Variants in CCSER1 observed in about 807,000 individuals in gnomAD.
The protein encoded by CCSER1 is coiled-coil serine rich protein 1, also known as serine-rich coiled-coil domain-containing protein 1.
Under a neutral mutation model 82.0 loss-of-function variants are expected in CCSER1, and 41 were observed. That is an observed-to-expected ratio of 0.50 (90% CI 0.39 to 0.65). The LOEUF (loss-of-function observed/expected upper bound fraction) is 0.65. Among genes scored for constraint, CCSER1 ranks in the 30% least tolerant of loss-of-function variants. The pLI is 0.00. For missense variants in CCSER1, 1,119 were observed against 1,064.2 expected, an observed-to-expected ratio of 1.05 and a Z score of -0.72; for synonymous variants, 414 against 383.9, an observed-to-expected ratio of 1.08 and a Z score of -0.92.
chr4:91,311,722 T>A (rs1455955913), intron 10 of CCSER1, among the ~76,000 whole-genome samples: 1 of 151,974 alleles, frequency 6.6e-6, no homozygotes, highest in African/African-American at 2.4e-5. Context: ...CAGTGCCACA[T>A]GCTCATGTGA....
At chr4:90,434,282 G>A (rs1471113953) in intron 4 of CCSER1, among the ~76,000 whole-genome samples, 1 of 151,980 alleles carries the variant, frequency 6.6e-6, no homozygotes, top group African/African-American at 2.4e-5. Flanking sequence ...ATTGTAAATG[G>A]TTAGATAAGA....
chr4:90,656,990 A>G (rs370301389), intron 6 of CCSER1, among the ~76,000 whole-genome samples: 1 of 152,032 alleles, frequency 6.6e-6, no homozygotes, highest in East Asian at 1.9e-4. Context: ...ATGCATCATG[A>G]CCTCAATATT....
At chr4:90,577,083 G>A (rs1006382149) in intron 5 of CCSER1, among the ~76,000 whole-genome samples, 1 of 152,054 alleles carries the variant, frequency 6.6e-6, no homozygotes, top group Non-Finnish European at 1.5e-5. Context: ...TAAGTACCTA[G>A]TGGTATCTCA....
chr4:91,273,272 T>C (rs1194809160), intron 10 of CCSER1, among the ~76,000 whole-genome samples: 1 of 152,202 alleles, frequency 6.6e-6, no homozygotes, highest in African/African-American at 2.4e-5. Flanking sequence ...TGTGATTTCT[T>C]TCAGCAGTGT....
chr4:91,279,053 G>C (rs188568645), intron 10 of CCSER1, among the ~76,000 whole-genome samples: 26 of 151,852 alleles, frequency 1.7e-4, no homozygotes, highest in Admixed American at 8.5e-4. Flanking sequence ...TTGGCCGCCA[G>C]GTTTATTTTT....
At chr4:90,650,601 C>A (rs536339880) in intron 6 of CCSER1, among the ~76,000 whole-genome samples, 5 of 152,308 alleles carry the variant, frequency 3.3e-5, no homozygotes, top group Non-Finnish European at 4.4e-5. Flanking sequence ...AATATCTACT[C>A]TTTAATATGT....
chr4:91,043,218 C>T (rs7660304), intron 9 of CCSER1, among the ~76,000 whole-genome samples: 8,842 of 151,806 alleles, frequency 0.058, 315 homozygotes, highest in African/African-American at 0.09. Flanking sequence ...ATAAGGCATT[C>T]ACTAAAAAAA....
At chr4:91,346,566 T>C (rs1395057058) in intron 10 of CCSER1, among the ~76,000 whole-genome samples, 1 of 152,160 alleles carries the variant, frequency 6.6e-6, no homozygotes, top group Non-Finnish European at 1.5e-5. Flanking sequence ...ATTGCAAAAC[T>C]GTCTTCCAAA....
chr4:90,574,996 T>C (rs985886882), intron 5 of CCSER1, among the ~76,000 whole-genome samples: 9 of 150,570 alleles, frequency 6.0e-5, no homozygotes, highest in Admixed American at 5.9e-4. Flanking sequence ...TACTATTTTC[T>C]CTCAAATTGT....
chr4:90,568,134 G>A (rs1371584084), intron 5 of CCSER1, among the ~76,000 whole-genome samples: 1 of 152,152 alleles, frequency 6.6e-6, no homozygotes, highest in Non-Finnish European at 1.5e-5. Context: ...AATGTTCCAG[G>A]TGCAGTTGAG....
At chr4:90,276,892 A>G (rs551435593) in intron 1 of CCSER1, among the ~76,000 whole-genome samples, 125 of 151,390 alleles carry the variant, frequency 8.3e-4, no homozygotes, top group African/African-American at 2.9e-3. Context: ...TCTTGACTTG[A>G]CTCTCAGCTA....
chr4:90,391,931 A>G (rs1751237489), intron 3 of CCSER1, among the ~76,000 whole-genome samples: 1 of 152,084 alleles, frequency 6.6e-6, no homozygotes, highest in East Asian at 1.9e-4. Context: ...TTTATTGAAG[A>G]GAAATGTTGC....
chr4:91,394,022 G>A (rs1423848932), intron 10 of CCSER1, among the ~76,000 whole-genome samples: 1 of 152,036 alleles, frequency 6.6e-6, no homozygotes, highest in Non-Finnish European at 1.5e-5. Context: ...CTTATGATCG[G>A]TGATACTTGG....
At chr4:90,892,632 C>A (rs1333243988) in intron 8 of CCSER1, among the ~76,000 whole-genome samples, 3 of 151,824 alleles carry the variant, frequency 2.0e-5, no homozygotes, top group Non-Finnish European at 4.4e-5. Flanking sequence ...TTCCCATATC[C>A]TGGACTTCCT....
chr4:91,101,996 G>T (rs1184464743), intron 10 of CCSER1, among the ~76,000 whole-genome samples: 1 of 152,002 alleles, frequency 6.6e-6, no homozygotes, highest in Non-Finnish European at 1.5e-5. Context: ...CCCAAAGCAG[G>T]ATTTTCCTCA....
intron 10 of CCSER1, among the ~76,000 whole-genome samples, chr4:91,508,958 T>A (rs1374339676): frequency 6.6e-6 from 1 of 152,004 alleles, no homozygotes; most frequent in Non-Finnish European, 1.5e-5. Flanking sequence ...CTTTTTCACT[T>A]ATGATTTTAG....
intron 10 of CCSER1, among the ~76,000 whole-genome samples, chr4:91,235,133 A>G (rs1469535486): frequency 3.3e-5 from 5 of 152,122 alleles, no homozygotes; most frequent in African/African-American, 1.2e-4. Flanking sequence ...AGAAAGCACT[A>G]TATAAATTCT....
intron 6 of CCSER1, among the ~76,000 whole-genome samples, chr4:90,666,784 A>C (rs535636559): frequency 6.6e-6 from 1 of 152,270 alleles, no homozygotes; most frequent in Admixed American, 6.5e-5. Context: ...GTTTGTTAAA[A>C]ATTTTCCAAG....
intron 10 of CCSER1, among the ~76,000 whole-genome samples, chr4:91,501,428 A>G (rs1008806861): frequency 6.6e-6 from 1 of 151,886 alleles, no homozygotes; most frequent in Non-Finnish European, 1.5e-5. Context: ...CTTATTATCT[A>G]TTTATTCACA....
Sources: gnomAD v4.1 joint callset for allele counts (sites outside exome capture counted in the v4.1 genomes callset) on GRCh38, gnomAD v4.1.1 for gene constraint, MANE v1.5 for transcripts, NCBI Gene and HGNC (gene_info 2026-07-23, HGNC 2026-07-21) for gene names.